ARSL: variants seen among roughly 807,000 people sequenced by gnomAD.
ARSL encodes arylsulfatase L, also known as arylsulfatase E (chondrodysplasia punctata 1).
Under a neutral mutation model 31.1 loss-of-function variants are expected in ARSL, and 4 were observed. The ratio of observed to expected loss-of-function variants is 0.13; its 90% CI spans 0.06 to 0.29. The LOEUF (loss-of-function observed/expected upper bound fraction) is 0.29, where lower values mean the gene tolerates loss of function less well. Ranked by LOEUF, ARSL falls within the 10% of genes least tolerant of loss-of-function variation. The probability of loss-of-function intolerance (pLI) is 1.00; values close to 1 mark genes in which losing one functional copy is unlikely to be tolerated. For synonymous variants in ARSL, 198 were observed against 209.9 expected, an observed-to-expected ratio of 0.94 and a Z score of 0.49; for missense variants, 312 against 497.8, an observed-to-expected ratio of 0.63 and a Z score of 3.55.
Position 2,938,222 on chromosome X carries a change from G to A in ARSL, c.1162C>T (p.Arg388Cys). 8.3e-7 allele frequency: 1 copy of A among 1,212,058 alleles called. No homozygotes were observed. The highest frequency in any genetic ancestry group is 1.7e-5 in the African/African-American group (1 of 57,905). The stretch of plus-strand genomic sequence containing the variant: ...GGCCAGCGGAAGATCCCGGGCACGC[G>A]GATCCCACCTTCCCATCCTCCCATG... ...KGMGGWEGGI[R>C]VPGIFRWPGV... Residue 388 changes from arginine (R) to cysteine (C), a missense_variant, in exon 9 of 11, where the codon CGC (arginine) becomes TGC (cysteine). Transcript: ENST00000381134.
At chrX:2,953,408 T>A in intron 4 of ARSL, 143 bp from the exon 5 acceptor site, 3 of 697,032 alleles carry the variant, frequency 4.3e-6, no homozygotes, top group Non-Finnish European at 6.1e-6. Context: ...TATATGACTT[T>A]GCCTAGTGGA....
intron 8 of ARSL, among the ~76,000 whole-genome samples, chrX:2,939,523 C>A (rs775633903): frequency 1.8e-5 from 2 of 112,015 alleles, no homozygotes; most frequent in Non-Finnish European, 3.8e-5. Context: ...AGGAGTCAGG[C>A]CTTCAATGTG....
chrX:2,959,408 A>C (rs931470721), intron 2 of ARSL, among the ~76,000 whole-genome samples: 26 of 111,704 alleles, frequency 2.3e-4, no homozygotes, highest in Non-Finnish European at 4.5e-4. Flanking sequence ...GGTGACATAC[A>C]GCCTGCCACT....
intron 5 of ARSL, among the ~76,000 whole-genome samples, chrX:2,952,607 A>G (rs1472929980): frequency 8.9e-6 from 1 of 111,782 alleles, no homozygotes; most frequent in African/African-American, 3.3e-5. Context: ...GGACACAAAC[A>G]TTTAGATGGC....
intron 7 of ARSL, among the ~76,000 whole-genome samples, chrX:2,943,658 CT>C (rs1471279832): frequency 1.0e-5 from 1 of 96,717 alleles, no homozygotes; most frequent in Non-Finnish European, 2.0e-5. Flanking sequence ...AGGAGAATAG[CT>C]TAAACCCGGG....
Position 2,934,899 on chromosome X carries a change from G to A in ARSL, c.1703C>T (p.Pro568Leu). The A allele has an allele frequency of 3.3e-6, 4 of 1,201,410 alleles. No individual in the cohort carries two copies. Among genetic ancestry groups the A allele is most frequent in the Admixed American group, 2.2e-5 (1 of 45,556 alleles). The change falls in exon 11 of 11, where the codon CCG becomes CTG. Residue 568 changes from proline (P) to leucine (L), a missense_variant. Physicochemically the swap from Pro to Leu is moderately conservative, Grantham distance 98. Coordinates refer to ENST00000381134, the MANE Select transcript of ARSL (RefSeq NM_000047.3). ...CGGGCCACAGCAGGGCTGCAGCCACGGTCTCCAGATGTTGCCCAGCCTGTC... is the reference window on the plus strand; with the variant it reads ...CGGGCCACAGCAGGGCTGCAGCCACAGTCTCCAGATGTTGCCCAGCCTGTC... ...QLDRLGNIWR[P>L]WLQPCCGPFP... is the part of the protein sequence containing the mutation.
chrX:2,966,965 C>A (rs1426576618), upstream of ARSL, among the ~76,000 whole-genome samples: 1 of 110,044 alleles, frequency 9.1e-6, no homozygotes, highest in Non-Finnish European at 1.9e-5. Context: ...AACATATATA[C>A]CTATAAAACA....
Position 2,934,983 on chromosome X carries a change from C to G in ARSL, c.1619G>C (p.Arg540Pro). The G allele has an allele frequency of 8.3e-7, 1 of 1,211,091 alleles. No individual in the cohort carries two copies. The highest frequency in any genetic ancestry group is 1.1e-6 in the Non-Finnish European group (1 of 895,335). ...SEPVFYQVME[R>P]VQQAVWEHQR... The stretch of plus-strand genomic sequence containing the variant: ...GTGTTCCCACACCGCCTGCTGGACT[C>G]GTTCCATCACCTGATAGAACACGGG... The change falls in exon 11 of 11, where the codon CGA (arginine) becomes CCA (proline). Residue 540 changes from arginine to proline, a missense_variant. Physicochemically the swap from Arg to Pro is moderately radical, Grantham distance 103 (BLOSUM62 -2). Coordinates refer to ENST00000381134, the MANE Select transcript of ARSL (RefSeq NM_000047.3).
chrX:2,963,533 C>CTTTT (rs769134287), intron 1 of ARSL, among the ~76,000 whole-genome samples: 12 of 59,775 alleles, frequency 2.0e-4, no homozygotes, highest in East Asian at 1.1e-3. Context: ...TTTTCTTTTC[C>CTTTT]TTTTTTTTTT....
chrX:2,960,010 C>A (rs1224017410), intron 2 of ARSL: 1 of 216,181 alleles, frequency 4.6e-6, no homozygotes, highest in Non-Finnish European at 8.2e-6. Context: ...TGGCTCACGC[C>A]TGTAATCCCA....
chrX:2,961,914 T>C (rs1406852416), intron 1 of ARSL, among the ~76,000 whole-genome samples: 2 of 106,177 alleles, frequency 1.9e-5, no homozygotes, highest in African/African-American at 3.4e-5. Flanking sequence ...GGAGTCTTGC[T>C]CTGTTGCCCA....
intron 8 of ARSL, among the ~76,000 whole-genome samples, chrX:2,940,875 G>A (rs2089270869): frequency 8.9e-6 from 1 of 111,977 alleles, no homozygotes; most frequent in African/African-American, 3.2e-5. Context: ...GGCAAAGGTT[G>A]CGGTGAGCCA....
rs189182488 is a variant in ARSL, at chrX:2,958,641, G to T, written c.24-206C>A. On this transcript the variant is annotated intron_variant, in intron 2 of 10. Coordinates refer to ENST00000381134, the MANE Select transcript of ARSL (RefSeq NM_000047.3). ...CTTTATTTGGCCTTGAAGTTTTTTG[G>T]GTTTTTTTTGATGCTGTAAAGTCTG... is the stretch of plus-strand genomic sequence containing the variant. Among the ~76,000 whole-genome samples, 1,257 of 111,569 alleles carry T rather than the reference G, an allele frequency of 0.011. 14 individuals are homozygous for T. Among genetic ancestry groups the T allele is most frequent in the African/African-American group, 0.038 (1,175 of 30,631 alleles).
chrX:2,940,160 G>A (rs1327098172), intron 8 of ARSL, among the ~76,000 whole-genome samples: 3 of 109,988 alleles, frequency 2.7e-5, no homozygotes, highest in East Asian at 2.9e-4. Context: ...GAGCCACTGC[G>A]CCTGGCCTTA....
intron 9 of ARSL, among the ~76,000 whole-genome samples, chrX:2,937,464 C>A (rs1343288043): frequency 9.0e-6 from 1 of 110,729 alleles, no homozygotes; most frequent in Admixed American, 9.6e-5. Context: ...CAAAAGCCCA[C>A]TAAGAGTTCT....
chrX:2,934,980 A>G lies in ARSL; in HGVS notation c.1622T>C (p.Val541Ala). ...EPVFYQVMERVQQAVWEHQRT... is the reference protein window; with the variant it reads ...EPVFYQVMERAQQAVWEHQRT... ...CTGGTGTTCCCACACCGCCTGCTGG[A>G]CTCGTTCCATCACCTGATAGAACAC... Residue 541 changes from valine to alanine, a missense_variant, in exon 11 of 11, where the codon GTC (valine) becomes GCC (alanine). Val to Ala is a moderately conservative substitution (Grantham distance 64). Coordinates refer to ENST00000381134, the MANE Select transcript of ARSL (RefSeq NM_000047.3). 2 of 1,210,631 alleles carry G rather than the reference A, an allele frequency of 1.7e-6. No individual in the cohort carries two copies. Among genetic ancestry groups the G allele is most frequent in the Non-Finnish European group, 2.2e-6 (2 of 895,224 alleles).
At chrX:2,959,624 A>G in intron 2 of ARSL, 1 of 1,153,725 alleles carries the variant, frequency 8.7e-7, no homozygotes. Flanking sequence ...AGAATGAAAT[A>G]CAATTCCTTC....
chrX:2,941,894 C>T (rs1258783986), intron 8 of ARSL, among the ~76,000 whole-genome samples: 1 of 112,637 alleles, frequency 8.9e-6, no homozygotes, highest in Non-Finnish European at 1.9e-5. Context: ...CTCTTTTCAT[C>T]GACATGATGA....
At chrX:2,957,088 G>A (rs1272238143) in intron 3 of ARSL, among the ~76,000 whole-genome samples, 1 of 107,842 alleles carries the variant, frequency 9.3e-6, no homozygotes, top group Admixed American at 1.0e-4. Context: ...GGGTGTGGTG[G>A]TGGGCGCCTG....
Sources: allele counts gnomAD v4.1 joint callset (sites outside exome capture counted in the v4.1 genomes callset), GRCh38; gene constraint gnomAD v4.1.1; transcripts MANE v1.5; gene names NCBI Gene and HGNC (gene_info 2026-07-23, HGNC 2026-07-21).